HS3ST4: variants seen among roughly 807,000 people sequenced by gnomAD.
HS3ST4 encodes the protein heparan sulfate glucosamine 3-O-sulfotransferase 4.
In HS3ST4, 17 loss-of-function variants were observed where a neutral mutation model predicts 29.2. The observed-to-expected ratio is 0.58, with a 90% CI of 0.40 to 0.87. HS3ST4 has a LOEUF of 0.87. HS3ST4 is among the 40% of genes least tolerant of loss of function. The pLI, the probability that HS3ST4 is intolerant of heterozygous loss-of-function variation, is 0.00. For synonymous variants in HS3ST4, 314 were observed against 285.7 expected (o/e 1.10, Z -1.00); for missense variants, 627 against 634.5 (o/e 0.99, Z 0.13).
At chr16:25,919,894 A>C (rs1357308328) in intron 1 of HS3ST4, among the ~76,000 whole-genome samples, 1 of 150,738 alleles carries the variant, frequency 6.6e-6, no homozygotes, top group African/African-American at 2.4e-5. Flanking sequence ...AATCAAAATC[A>C]GTATGTAAAC....
chr16:25,722,922 T>G (rs1010192138), intron 1 of HS3ST4, among the ~76,000 whole-genome samples: 4 of 152,168 alleles, frequency 2.6e-5, no homozygotes, highest in Non-Finnish European at 5.9e-5. Flanking sequence ...AAAAGAGGTT[T>G]AATGGACTCA....
intron 1 of HS3ST4, among the ~76,000 whole-genome samples, chr16:25,959,432 A>T (rs1015408586): frequency 1.3e-5 from 2 of 152,136 alleles, no homozygotes; most frequent in African/African-American, 4.8e-5. Flanking sequence ...TCATAACTAC[A>T]TCTCTGTCCA....
intron 1 of HS3ST4, among the ~76,000 whole-genome samples, chr16:26,015,688 A>G (rs116469996): frequency 1.1e-3 from 163 of 152,284 alleles, no homozygotes; most frequent in African/African-American, 3.9e-3. Context: ...AAGATGAACT[A>G]CTAAGTGTCA....
chr16:25,756,949 C>A (rs1343197938), intron 1 of HS3ST4, among the ~76,000 whole-genome samples: 1 of 152,136 alleles, frequency 6.6e-6, no homozygotes, highest in African/African-American at 2.4e-5. Flanking sequence ...GCTATACATA[C>A]GTCTTATCTC....
intron 1 of HS3ST4, among the ~76,000 whole-genome samples, chr16:26,102,094 A>G (rs1271786348): frequency 3.9e-5 from 6 of 152,318 alleles, no homozygotes; most frequent in East Asian, 1.9e-4. Flanking sequence ...ATACAAGAAC[A>G]TATCCCACCT....
intron 1 of HS3ST4, among the ~76,000 whole-genome samples, chr16:25,814,866 A>T (rs115807799): frequency 0.021 from 3,216 of 152,324 alleles, 42 homozygotes; most frequent in Middle Eastern, 0.027. Flanking sequence ...GGAGCCACAA[A>T]TTCAGGAAGG....
chr16:25,992,403 G>A (rs1259520235), intron 1 of HS3ST4, among the ~76,000 whole-genome samples: 1 of 152,202 alleles, frequency 6.6e-6, no homozygotes. Context: ...AGTATTCCAG[G>A]TAGAGGAAAC....
At chr16:26,014,793 A>T (rs1376171652) in intron 1 of HS3ST4, among the ~76,000 whole-genome samples, 2 of 152,116 alleles carry the variant, frequency 1.3e-5, no homozygotes, top group Non-Finnish European at 2.9e-5. Flanking sequence ...TATCATCACC[A>T]TTTTACACTT....
chr16:25,855,175 A>G (rs1967563053), intron 1 of HS3ST4, among the ~76,000 whole-genome samples: 2 of 152,170 alleles, frequency 1.3e-5, no homozygotes, highest in Admixed American at 1.3e-4. Flanking sequence ...CAGTTGGTTG[A>G]AAGAGTTAAG....
chr16:25,958,311 A>G (rs1412586612), intron 1 of HS3ST4, among the ~76,000 whole-genome samples: 2 of 152,154 alleles, frequency 1.3e-5, no homozygotes, highest in African/African-American at 4.8e-5. Context: ...TGCAATTAGA[A>G]CAGAGTGAAG....
intron 1 of HS3ST4, among the ~76,000 whole-genome samples, chr16:25,748,456 A>G (rs756142620): frequency 6.6e-6 from 1 of 152,080 alleles, no homozygotes; most frequent in Non-Finnish European, 1.5e-5. Context: ...TCCCACCCCC[A>G]CACCTGCAGC....
At chr16:26,046,986 C>A (rs953728461) in intron 1 of HS3ST4, among the ~76,000 whole-genome samples, 60 of 152,188 alleles carry the variant, frequency 3.9e-4, no homozygotes, top group African/African-American at 1.3e-3. Flanking sequence ...TATGTTTCCT[C>A]TTCATTCCTT....
At chr16:26,118,758 G>A (rs1309192147) in intron 1 of HS3ST4, among the ~76,000 whole-genome samples, 7 of 152,152 alleles carry the variant, frequency 4.6e-5, no homozygotes, top group Non-Finnish European at 7.3e-5. Flanking sequence ...CCAGGTCCCT[G>A]CAGGGAAAGG....
At chr16:25,822,322 G>T (rs1184842596) in intron 1 of HS3ST4, among the ~76,000 whole-genome samples, 1 of 151,994 alleles carries the variant, frequency 6.6e-6, no homozygotes, top group African/African-American at 2.4e-5. Flanking sequence ...AAGAGTATTG[G>T]TCCGATTTAT....
rs1180657403 is a variant in HS3ST4 at position 26,135,947 on chromosome 16, G to A, written c.1070G>A (p.Gly357Asp). The change falls in exon 2 of 2, where the codon GGT (glycine) becomes GAT (aspartate). Residue 357 changes from glycine to aspartate, a missense_variant. Gly to Asp is a moderately conservative substitution (Grantham distance 94). This residue lies in a region of HS3ST4 where 225 missense variants were observed against 293.7 expected (regional missense o/e 0.77). Coordinates refer to ENST00000331351, the MANE Select transcript of HS3ST4 (RefSeq NM_006040.3). Reference sequence around the variant, plus strand: ...CTCTCCCAGATCCTCTTTGTCAGTGGTGAGCGACTCATTGTGGACCCCGCC... The same window carrying A: ...CTCTCCCAGATCCTCTTTGTCAGTGATGAGCGACTCATTGTGGACCCCGCC... ...FPLSQILFVS[G>D]ERLIVDPAGE... 3 of 1,613,866 alleles carry A rather than the reference G, an allele frequency of 1.9e-6. No homozygotes were observed. The highest frequency in any genetic ancestry group is 2.5e-6 in the Non-Finnish European group (3 of 1,179,886).
chr16:25,693,280 C>T lies in HS3ST4; in HGVS notation c.734+129C>T, dbSNP rs1381441143. 4.9e-6 allele frequency: 5 copies of T among 1,015,424 alleles called. No homozygotes were observed. In the East Asian group the frequency reaches 1.5e-4, roughly 31 times the overall value. The allele number at this position is 1,015,424 out of a possible 1,614,324, so 62.9% of individuals were successfully genotyped here. ...GGCCCAAGCCCCCGCGAGGGCTCTG[C>T]AAACCCTGGCGGCGTTGCTCAGGGG... On this transcript the variant is annotated intron_variant, in intron 1 of 1. Transcript: ENST00000331351.
At chr16:26,073,287 C>G (rs1195262549) in intron 1 of HS3ST4, among the ~76,000 whole-genome samples, 1 of 152,202 alleles carries the variant, frequency 6.6e-6, no homozygotes, top group African/African-American at 2.4e-5. Flanking sequence ...TTTGTGTAGT[C>G]AGAATTACTC....
intron 1 of HS3ST4, among the ~76,000 whole-genome samples, chr16:26,034,213 G>A (rs1969561321): frequency 6.6e-6 from 1 of 152,132 alleles, no homozygotes; most frequent in South Asian, 2.1e-4. Context: ...AGGCTAATGG[G>A]CATCACAATA....
intron 1 of HS3ST4, among the ~76,000 whole-genome samples, chr16:26,006,241 G>T (rs1969256677): frequency 7.2e-6 from 1 of 138,090 alleles, no homozygotes; most frequent in African/African-American, 2.6e-5. Flanking sequence ...AGAGGTTGCA[G>T]TGAGGCAGGA....
Sources: allele counts gnomAD v4.1 joint callset (sites outside exome capture counted in the v4.1 genomes callset), GRCh38; gene constraint gnomAD v4.1.1; regional missense constraint gnomAD v4.1.1; transcripts MANE v1.5; gene names NCBI Gene and HGNC (gene_info 2026-07-23, HGNC 2026-07-21).